IQCK: variants seen among roughly 807,000 people sequenced by gnomAD.
IQCK encodes the protein IQ domain-containing protein K.
In IQCK, 29 loss-of-function variants were observed where a neutral mutation model predicts 28.1. The observed-to-expected ratio is 1.03, with a 90% CI of 0.77 to 1.41. The LOEUF is 1.41. IQCK is among the 40% of genes most tolerant of loss of function. The probability of loss-of-function intolerance (pLI) is 0.00; values close to 1 mark genes in which losing one functional copy is unlikely to be tolerated. For missense variants in IQCK, 359 were observed against 314.7 expected (o/e 1.14, Z -1.07); for synonymous variants, 113 against 115.1 (o/e 0.98, Z 0.12).
At chr16:19,858,329 A>G (rs1345724637) in exon 10 of IQCK, 16 of 429,830 alleles carry the variant, frequency 3.7e-5, no homozygotes, top group Middle Eastern at 6.1e-4. Context: ...AAAAGGGGGG[A>G]AAAAGGTCTC....
chr16:19,782,936 C>G (rs2055508633), intron 6 of IQCK, among the ~76,000 whole-genome samples: 1 of 151,996 alleles, frequency 6.6e-6, no homozygotes, highest in Non-Finnish European at 1.5e-5. Context: ...ATACACAACA[C>G]AATCAGAAAA....
At chr16:19,719,825 C>G (rs1265014400) in intron 1 of IQCK, among the ~76,000 whole-genome samples, 12 of 151,636 alleles carry the variant, frequency 7.9e-5, no homozygotes, top group Non-Finnish European at 1.5e-5. Context: ...AGGCACCCGT[C>G]ATCATTCCTG....
At chr16:19,802,885 G>A (rs529476056) in intron 7 of IQCK, among the ~76,000 whole-genome samples, 1 of 152,270 alleles carries the variant, frequency 6.6e-6, no homozygotes, top group Non-Finnish European at 1.5e-5. Flanking sequence ...AGCAAGAGGA[G>A]AAACATGAAG....
chr16:19,748,171 T>C (rs1369477180), intron 4 of IQCK, among the ~76,000 whole-genome samples: 1 of 148,456 alleles, frequency 6.7e-6, no homozygotes, highest in Non-Finnish European at 1.5e-5. Context: ...ACCTCCCAGG[T>C]TCAAGCAATT....
At chr16:19,764,732 C>T (rs2055203267) in intron 6 of IQCK, among the ~76,000 whole-genome samples, 1 of 148,674 alleles carries the variant, frequency 6.7e-6, no homozygotes, top group Non-Finnish European at 1.5e-5. Flanking sequence ...GCTCTGTCAC[C>T]CAGGCTGGAG....
At chr16:19,848,111 C>T (rs1444409054) in intron 9 of IQCK, among the ~76,000 whole-genome samples, 1 of 152,240 alleles carries the variant, frequency 6.6e-6, no homozygotes, top group Non-Finnish European at 1.5e-5. Context: ...TACCATTTTA[C>T]ATCCCCATCA....
At chr16:19,809,784 C>T (rs1008946630) in intron 7 of IQCK, among the ~76,000 whole-genome samples, 10 of 152,158 alleles carry the variant, frequency 6.6e-5, no homozygotes, top group Non-Finnish European at 1.2e-4. Flanking sequence ...AACACACAGC[C>T]GATGGGCCCC....
chr16:19,815,014 T>C (rs1182887694), intron 7 of IQCK, among the ~76,000 whole-genome samples: 1 of 152,168 alleles, frequency 6.6e-6, no homozygotes, highest in Non-Finnish European at 1.5e-5. Context: ...CTCGAATTCC[T>C]GTGCTCAAGT....
At chr16:19,718,347 T>G (rs2151665580) in exon 1 of IQCK, 1 of 1,610,254 alleles carries the variant, frequency 6.2e-7, no homozygotes, top group Non-Finnish European at 8.5e-7. Context: ...ATAGTGCGCC[T>G]CAAGCCCAGC....
rs548049776 is a variant in IQCK, at chr16:19,740,973, A to G, written c.474+5523A>G. On this transcript the variant is annotated intron_variant, in intron 4 of 7. Transcript: ENST00000564186. Reference sequence around the variant, plus strand: ...ACAGAGCGAGACTCCATCTAAAAAAAAAAAAAAAAAGAATATCTACAAGCA... The same window carrying G: ...ACAGAGCGAGACTCCATCTAAAAAAGAAAAAAAAAAGAATATCTACAAGCA... Among the ~76,000 whole-genome samples, 13 of 151,756 alleles carry G rather than the reference A, an allele frequency of 8.6e-5. No homozygotes were observed. In the East Asian group the frequency reaches 2.5e-3, roughly 30 times the overall value.
intron 4 of IQCK, among the ~76,000 whole-genome samples, chr16:19,760,916 G>T (rs2055129484): frequency 6.6e-6 from 1 of 152,180 alleles, no homozygotes; most frequent in Non-Finnish European, 1.5e-5. Context: ...CCCATGTTTA[G>T]ATGATCTAGG....
chr16:19,789,441 A>G (rs892296892), intron 7 of IQCK, among the ~76,000 whole-genome samples: 3 of 87,776 alleles, frequency 3.4e-5, no homozygotes, highest in Admixed American at 1.2e-4. Flanking sequence ...AAAAAACACA[A>G]AGACTTTTTA....
chr16:19,782,000 A>G (rs1019758564), intron 6 of IQCK, among the ~76,000 whole-genome samples: 2 of 148,710 alleles, frequency 1.3e-5, no homozygotes, highest in African/African-American at 5.0e-5. Context: ...AACAACAACA[A>G]AAAAGAATGT....
chr16:19,733,908 A>G, intron 3 of IQCK, 81 bp downstream of exon 3: 9 of 1,442,864 alleles, frequency 6.2e-6, no homozygotes, highest in Non-Finnish European at 8.7e-6. Flanking sequence ...AGGCGGACAG[A>G]TGGACCTCAG....
At chr16:19,748,301 C>G (rs2054940770) in intron 4 of IQCK, among the ~76,000 whole-genome samples, 1 of 152,016 alleles carries the variant, frequency 6.6e-6, no homozygotes, top group African/African-American at 2.4e-5. Context: ...TCTGAAACTT[C>G]TGACTTTAGG....
At chr16:19,814,554 C>G (rs150815167) in intron 7 of IQCK, among the ~76,000 whole-genome samples, 1,986 of 152,096 alleles carry the variant, frequency 0.013, 36 homozygotes, top group African/African-American at 0.045. Flanking sequence ...AAACATATCA[C>G]TAATCTCAAT....
At chr16:19,811,898 C>A (rs1014752270) in intron 7 of IQCK, among the ~76,000 whole-genome samples, 5 of 152,124 alleles carry the variant, frequency 3.3e-5, no homozygotes, top group Admixed American at 6.6e-5. Flanking sequence ...TCAATCAGTA[C>A]CTACAGGGAA....
intron 9 of IQCK, among the ~76,000 whole-genome samples, chr16:19,839,593 C>T (rs1264757119): frequency 1.3e-5 from 2 of 152,140 alleles, no homozygotes; most frequent in African/African-American, 4.8e-5. Context: ...AGAACAGTGC[C>T]CAGCACATGG....
chr16:19,822,248 T>C (rs1013865275), intron 7 of IQCK, among the ~76,000 whole-genome samples: 55 of 150,878 alleles, frequency 3.6e-4, no homozygotes, highest in Non-Finnish European at 7.4e-5. Flanking sequence ...TAGCTGGGCG[T>C]GGTGGCAGGT....
Sources: allele counts gnomAD v4.1 joint callset (sites outside exome capture counted in the v4.1 genomes callset), GRCh38; gene constraint gnomAD v4.1.1; transcripts MANE v1.5; gene names NCBI Gene and HGNC (gene_info 2026-07-23, HGNC 2026-07-21).